PCF11: variants seen among roughly 807,000 people sequenced by gnomAD.
PCF11 encodes the protein pre-mRNA cleavage complex 2 protein Pcf11.
PCF11 carries 19 observed loss-of-function variants against 166.1 expected under a neutral mutation model. The ratio of observed to expected loss-of-function variants is 0.11; its 90% CI spans 0.08 to 0.17. PCF11 has a LOEUF of 0.17. Ranked by LOEUF, PCF11 falls within the 10% of genes least tolerant of loss-of-function variation. PCF11 has a pLI of 1.00. For synonymous variants in PCF11, 663 were observed against 644.1 expected (o/e 1.03, Z -0.44); for missense variants, 1,565 against 1,855.5 (o/e 0.84, Z 2.88).
chr11:83,167,250 C>T lies in PCF11; in HGVS notation c.1943C>T (p.Ala648Val). Residue 648 changes from alanine (A) to valine (V), a missense_variant, in exon 6 of 16, where the codon GCC (alanine) becomes GTC (valine). Ala to Val is a moderately conservative substitution (Grantham distance 64). Coordinates refer to ENST00000298281, the Ensembl canonical transcript of PCF11. This position sits in a 1 kb window ranked among gnomAD's most constrained non-coding sequence, Gnocchi z 4.2. Reference sequence around the variant, plus strand: ...CAACAGCATCGATTAAGTGTAGATGCCAATCTTCAGATTCCTAAAGAGTTA... The same window carrying T: ...CAACAGCATCGATTAAGTGTAGATGTCAATCTTCAGATTCCTAAAGAGTTA... 1.2e-6 allele frequency: 2 copies of T among 1,613,336 alleles called. No homozygotes were observed. Among genetic ancestry groups the T allele is most frequent in the Non-Finnish European group, 8.5e-7 (1 of 1,179,520 alleles).
At chr11:83,165,240 G>GAATTT (rs1860403654) in intron 4 of PCF11, among the ~76,000 whole-genome samples, 1 of 152,178 alleles carries the variant, frequency 6.6e-6, no homozygotes, top group Non-Finnish European at 1.5e-5. Context: ...TTAGGACTTA[G>GAATTT]AATTTAGCTG....
intron 8 of PCF11, among the ~76,000 whole-genome samples, chr11:83,170,474 TC>T (rs899203382): frequency 6.6e-6 from 1 of 152,216 alleles, no homozygotes; most frequent in African/African-American, 2.4e-5. Context: ...GGTCCTTTTT[TC>T]CTACTTTTTA....
Position 83,166,352 on chromosome 11 carries a change from C to G in PCF11, c.1455C>G (p.Pro485=), listed in dbSNP as rs185312455. 1.4e-4 allele frequency: 228 copies of G among 1,613,804 alleles called. 1 individual carries two copies. The African/African-American group carries it at 2.8e-3, about 20-fold the overall frequency. Residue 485 remains proline, a synonymous_variant, in exon 5 of 16, where the codon CCC becomes CCG. Coordinates refer to ENST00000298281, the Ensembl canonical transcript of PCF11. ...GAAAGCGATCAAGATCTCGATCACC[C>G]AAGTCTAGGTCACCAATTATACATT...
At chr11:83,163,739 C>A in exon 3 of PCF11, 1 of 1,593,016 alleles carries the variant, frequency 6.3e-7, no homozygotes, top group Non-Finnish European at 8.6e-7. Flanking sequence ...TGAAATATTC[C>A]CTTTGAAGAA....
chr11:83,177,037 C>T, intron 9 of PCF11, 48 bp from the exon 10 acceptor site: 2 of 1,351,342 alleles, frequency 1.5e-6, no homozygotes, highest in Non-Finnish European at 1.9e-6. Context: ...TTAAGTTCTA[C>T]ATTCACTTCA....
rs1861212584 is a variant in PCF11 at position 83,184,666 on chromosome 11, T to G, written c.4453-13T>G. 2 of 1,593,522 alleles carry G rather than the reference T, an allele frequency of 1.3e-6. No individual in the cohort carries two copies. Among genetic ancestry groups the G allele is most frequent in the Non-Finnish European group, 8.6e-7 (1 of 1,164,400 alleles). ...AACTTTCATCAGTACTCATAGGGCC[T>G]TTCATTTTGTAGACATCTTCATTTG... On this transcript the variant is annotated splice_polypyrimidine_tract_variant and intron_variant, in intron 15 of 15. Transcript: ENST00000298281.
At chr11:83,177,580 C>T (rs1860930391) in intron 10 of PCF11, 134 bp from the exon 11 acceptor site, 2 of 439,472 alleles carry the variant, frequency 4.6e-6, no homozygotes, top group Non-Finnish European at 8.1e-6. Flanking sequence ...GTTCCTTGGC[C>T]AGTAAACTTG....
At chr11:83,184,758 A>G (rs1164622307) in exon 16 of PCF11, 6 of 1,612,644 alleles carry the variant, frequency 3.7e-6, no homozygotes, top group Admixed American at 1.7e-5. Context: ...AACATTGTCA[A>G]AAACGAATTG....
chr11:83,169,900 T>G, exon 8 of PCF11: 1 of 1,612,014 alleles, frequency 6.2e-7, no homozygotes, highest in Non-Finnish European at 8.5e-7. Flanking sequence ...TTCTGGACAC[T>G]ATTTTGATGA....
rs755383505 is a variant in PCF11 at position 83,166,591 on chromosome 11, G to A, written c.1694G>A (p.Arg565Gln). Reference sequence around the variant, plus strand: ...CGAATGAAAAAGACTGAAGAGGAGCGACCACAAGAAACTACAAATCAGCAT... The same window carrying A: ...CGAATGAAAAAGACTGAAGAGGAGCAACCACAAGAAACTACAAATCAGCAT... Residue 565 changes from arginine (R) to glutamine (Q), a missense_variant, in exon 5 of 16, where the codon CGA (arginine) becomes CAA (glutamine). Coordinates refer to ENST00000298281, the Ensembl canonical transcript of PCF11. 3.1e-6 allele frequency: 5 copies of A among 1,613,558 alleles called. No individual in the cohort carries two copies. The highest frequency in any genetic ancestry group is 1.6e-4 in the Middle Eastern group (1 of 6,082).
chr11:83,183,152 G>A, intron 15 of PCF11, 79 bp downstream of exon 15: 1 of 770,766 alleles, frequency 1.3e-6, no homozygotes, highest in Non-Finnish European at 2.1e-6. Context: ...TTGCATCAGA[G>A]CAATATTGTT....
intron 9 of PCF11, 39 bp from the exon 10 acceptor site, chr11:83,177,046 C>G: frequency 7.1e-7 from 1 of 1,401,858 alleles, no homozygotes; most frequent in Non-Finnish European, 9.3e-7. Context: ...ACATTCACTT[C>G]AAAAGTGGTT....
intron 4 of PCF11, among the ~76,000 whole-genome samples, chr11:83,165,219 G>C (rs1860402578): frequency 6.6e-6 from 1 of 152,208 alleles, no homozygotes; most frequent in South Asian, 2.1e-4. Flanking sequence ...CACTTTGGGA[G>C]AAACTAAATT....
At chr11:83,175,292 C>T (rs529551343) in intron 9 of PCF11, among the ~76,000 whole-genome samples, 13 of 152,210 alleles carry the variant, frequency 8.5e-5, no homozygotes, top group African/African-American at 2.4e-4. Flanking sequence ...CTACCACAAC[C>T]GGCTAATTTT....
chr11:83,166,731 T>C lies in PCF11; in HGVS notation c.1817+17T>C. The C allele has an allele frequency of 6.4e-7, 1 of 1,563,152 alleles. No homozygotes were observed. Among genetic ancestry groups the C allele is most frequent in the Non-Finnish European group, 8.6e-7 (1 of 1,159,718 alleles). ...AAATAAAAGGTATGATGTTAACATT[T>C]TAAGTCAAGTGTAGTAGTGTATATG... On this transcript the variant is annotated intron_variant, in intron 5 of 15. Transcript: ENST00000298281.
intron 3 of PCF11, 116 bp from the exon 4 acceptor site, chr11:83,164,091 A>G (rs1245823703): frequency 2.9e-6 from 2 of 685,924 alleles, no homozygotes; most frequent in Non-Finnish European, 4.7e-6. Flanking sequence ...AATTTCTGAT[A>G]AGTTTTCTGT....
At chr11:83,170,618 A>G (rs537877690) in intron 8 of PCF11, among the ~76,000 whole-genome samples, 2 of 152,290 alleles carry the variant, frequency 1.3e-5, no homozygotes, top group South Asian at 4.1e-4. Context: ...CTTGTTCTGT[A>G]TACATTTTAA....
chr11:83,172,423 A>T (rs576889164), intron 9 of PCF11, among the ~76,000 whole-genome samples: 1 of 151,956 alleles, frequency 6.6e-6, no homozygotes, highest in South Asian at 2.1e-4. Flanking sequence ...TTTTAGTTTT[A>T]TTTATTTATT....
chr11:83,159,740 C>T (rs1303897834), intron 1 of PCF11, among the ~76,000 whole-genome samples: 34 of 152,066 alleles, frequency 2.2e-4, no homozygotes, highest in Admixed American at 2.2e-3. Flanking sequence ...AGCAAACTGG[C>T]CTGGTTTTGT....
Sources: allele counts gnomAD v4.1 joint callset (sites outside exome capture counted in the v4.1 genomes callset), GRCh38; gene constraint gnomAD v4.1.1; non-coding constraint Gnocchi (gnomAD v3.1); transcripts MANE v1.5; gene names NCBI Gene and HGNC (gene_info 2026-07-23, HGNC 2026-07-21).